The following ADGRB3 variants were observed in gnomAD, a reference collection of about 807,000 sequenced individuals.
ADGRB3 encodes adhesion G protein-coupled receptor B3, also known as brain-specific angiogenesis inhibitor 3.
In ADGRB3, 37 loss-of-function variants were observed where a neutral mutation model predicts 193.4. That is an observed-to-expected ratio of 0.19 (90% CI 0.15 to 0.25). The LOEUF (loss-of-function observed/expected upper bound fraction) is 0.25, where lower values mean the gene tolerates loss of function less well. Among genes scored for constraint, ADGRB3 ranks in the 10% least tolerant of loss-of-function variants. The pLI is 1.00. For synonymous variants in ADGRB3, 690 were observed against 644.2 expected (o/e 1.07, Z -1.08); for missense variants, 1,637 against 1,852.9 (o/e 0.88, Z 2.14).
chr6:68,664,148 G>A (rs1768739879), intron 3 of ADGRB3, among the ~76,000 whole-genome samples: 1 of 151,760 alleles, frequency 6.6e-6, no homozygotes, highest in Admixed American at 6.6e-5. Context: ...TACATTTTTA[G>A]AACGTAATAA....
At chr6:69,091,728 AC>A (rs954270724) in intron 17 of ADGRB3, among the ~76,000 whole-genome samples, 2 of 151,942 alleles carry the variant, frequency 1.3e-5, no homozygotes, top group African/African-American at 4.8e-5. Flanking sequence ...AATACAAGAA[AC>A]CCCCATGATA....
chr6:69,259,645 G>A lies in ADGRB3; in HGVS notation c.2814+20419G>A, dbSNP rs1456309944. On this transcript the variant is annotated intron_variant, in intron 20 of 31. Coordinates refer to ENST00000370598, the MANE Select transcript of ADGRB3 (RefSeq NM_001704.3). ...CGGGAGGCAGAGCTTGCAGTGAGCC[G>A]AGATGGCGCCACTGCACTCCAGCCT... Among the ~76,000 whole-genome samples, 4 of 143,402 alleles carry A rather than the reference G, an allele frequency of 2.8e-5. No homozygotes were observed. In the East Asian group the frequency reaches 6.1e-4, roughly 22 times the overall value. The allele number at this position is 143,402 out of a possible 152,430, so 94.1% of individuals were successfully genotyped here. A position where few individuals can be genotyped will look rare whatever the true frequency, so the allele number is the denominator to read the frequency against.
chr6:69,314,692 C>A (rs1768275119), intron 20 of ADGRB3, among the ~76,000 whole-genome samples: 1 of 151,452 alleles, frequency 6.6e-6, no homozygotes, highest in Admixed American at 6.6e-5. Flanking sequence ...AAGCATGGGC[C>A]AAGTACTTGG....
At chr6:68,840,803 A>G (rs62418573) in intron 3 of ADGRB3, among the ~76,000 whole-genome samples, 43,004 of 152,068 alleles carry the variant, frequency 0.28, 6,933 homozygotes, top group Middle Eastern at 0.51. Context: ...ATCGAAAGAC[A>G]TAGAGTAGAC....
At chr6:69,222,156 T>C (rs959227471) in intron 17 of ADGRB3, among the ~76,000 whole-genome samples, 16 of 152,272 alleles carry the variant, frequency 1.1e-4, no homozygotes, top group South Asian at 2.1e-4. Flanking sequence ...GGATAATCCT[T>C]GATGGATAAT....
At position 68,638,831 on chromosome 6, in the gene ADGRB3, T is replaced by G; in HGVS notation, c.156T>G (p.Phe52Leu). 1 of 1,614,160 alleles carries G rather than the reference T, an allele frequency of 6.2e-7. No homozygotes were observed. Among genetic ancestry groups the G allele is most frequent in the Non-Finnish European group, 8.5e-7 (1 of 1,180,030 alleles). The change falls in exon 3 of 32, where the codon TTT becomes TTG. Residue 52 changes from phenylalanine (F) to leucine (L), a missense_variant. Around this residue, in one of 7 missense-constraint regions of ADGRB3, gnomAD observed 365 missense variants for 409.8 expected, o/e 0.89. Coordinates refer to ENST00000370598, the MANE Select transcript of ADGRB3 (RefSeq NM_001704.3). ...TAAGTGAAATGTTTCCTAAAAACTT[T>G]ACAAACTGCACTTGGACGCTGGAAA... is the stretch of plus-strand genomic sequence containing the variant. ...YSVSEMFPKNFTNCTWTLENP... is the reference protein window; with the variant it reads ...YSVSEMFPKNLTNCTWTLENP...
chr6:69,205,396 T>C lies in ADGRB3; in HGVS notation c.2481-27894T>C, dbSNP rs966204039. On this transcript the variant is annotated intron_variant, in intron 17 of 31. Coordinates refer to ENST00000370598, the MANE Select transcript of ADGRB3 (RefSeq NM_001704.3). ...GTCTTTTCTGTAGAATAAAAGACCT[T>C]TTTTTTTTTTTTACCTGAGAAGATA... is the stretch of plus-strand genomic sequence containing the variant. 1.0e-4 allele frequency among the ~76,000 whole-genome samples: 4 copies of C among 39,278 alleles called. No homozygotes were observed. The African/African-American group carries it at 1.1e-3, about 11-fold the overall frequency. The allele number at this position is 39,278 out of a possible 152,430, so 25.8% of individuals were successfully genotyped here.
At chr6:68,887,596 C>G (rs1765946900) in intron 3 of ADGRB3, among the ~76,000 whole-genome samples, 1 of 152,014 alleles carries the variant, frequency 6.6e-6, no homozygotes, top group African/African-American at 2.4e-5. Flanking sequence ...GATAAAAAAT[C>G]AAGATGCTAA....
chr6:68,656,160 TC>T (rs1421293629), intron 3 of ADGRB3, among the ~76,000 whole-genome samples: 2 of 151,626 alleles, frequency 1.3e-5, no homozygotes, highest in Non-Finnish European at 3.0e-5. Flanking sequence ...AAAATATAAA[TC>T]CATATTCTAT....
At chr6:69,085,213 A>G (rs1008344161) in intron 17 of ADGRB3, among the ~76,000 whole-genome samples, 1 of 152,062 alleles carries the variant, frequency 6.6e-6, no homozygotes, top group African/African-American at 2.4e-5. Flanking sequence ...TCAGAAAGTC[A>G]TTGAAGTCGG....
intron 3 of ADGRB3, among the ~76,000 whole-genome samples, chr6:68,746,892 G>T (rs1406873727): frequency 6.6e-6 from 1 of 151,564 alleles, no homozygotes; most frequent in Non-Finnish European, 1.5e-5. Context: ...GTGGTTTTTT[G>T]TATTTGCTTA....
At chr6:68,937,120 A>C (rs562003733) in intron 5 of ADGRB3, among the ~76,000 whole-genome samples, 61 of 152,210 alleles carry the variant, frequency 4.0e-4, no homozygotes, top group Admixed American at 8.5e-4. Context: ...CCTATCAAAG[A>C]AAAGAGTGTC....
chr6:69,007,236 C>T (rs966594632), intron 11 of ADGRB3, among the ~76,000 whole-genome samples: 1 of 152,160 alleles, frequency 6.6e-6, no homozygotes, highest in African/African-American at 2.4e-5. Context: ...CTGCCATCAT[C>T]TTTGGCCTCA....
At chr6:68,985,300 A>C (rs148811423) in intron 10 of ADGRB3, among the ~76,000 whole-genome samples, 8 of 152,250 alleles carry the variant, frequency 5.3e-5, no homozygotes, top group African/African-American at 1.9e-4. Flanking sequence ...GCAACTTTGA[A>C]AAGTGCTCTT....
At chr6:69,352,740 G>A (rs2127326523) in intron 26 of ADGRB3, among the ~76,000 whole-genome samples, 1 of 152,298 alleles carries the variant, frequency 6.6e-6, no homozygotes, top group Non-Finnish European at 1.5e-5. Context: ...AGGACAAGGA[G>A]GAAGCTAAAA....
At chr6:68,782,052 T>C (rs1016329999) in intron 3 of ADGRB3, among the ~76,000 whole-genome samples, 9 of 151,608 alleles carry the variant, frequency 5.9e-5, no homozygotes, top group African/African-American at 2.2e-4. Context: ...ACATGTGCCA[T>C]GTTGGTGTGC....
chr6:69,039,771 T>C (rs1373067456), intron 13 of ADGRB3, among the ~76,000 whole-genome samples: 2 of 147,632 alleles, frequency 1.4e-5, no homozygotes, highest in African/African-American at 5.0e-5. Flanking sequence ...AGACGGAGTC[T>C]TGCTCTGTTG....
At chr6:69,119,988 G>GT (rs1446698415) in intron 17 of ADGRB3, among the ~76,000 whole-genome samples, 1 of 152,132 alleles carries the variant, frequency 6.6e-6, no homozygotes, top group Non-Finnish European at 1.5e-5. Flanking sequence ...TCTCAGGATG[G>GT]TAGCAGTAGG....
At chr6:69,256,785 T>C (rs1448402131) in intron 20 of ADGRB3, among the ~76,000 whole-genome samples, 2 of 152,218 alleles carry the variant, frequency 1.3e-5, no homozygotes, top group African/African-American at 4.8e-5. Context: ...TTGTGCCAGT[T>C]TTCAAAGGGA....
Sources: allele counts gnomAD v4.1 joint callset (sites outside exome capture counted in the v4.1 genomes callset), GRCh38; gene constraint gnomAD v4.1.1; regional missense constraint gnomAD v4.1.1; transcripts MANE v1.5; gene names NCBI Gene and HGNC (gene_info 2026-07-23, HGNC 2026-07-21).